EPB41: variants seen among roughly 807,000 people sequenced by gnomAD.
EPB41 encodes the protein protein 4.1.
Under a neutral mutation model 108.0 loss-of-function variants are expected in EPB41, and 65 were observed. The observed-to-expected ratio is 0.60, with a 90% CI of 0.49 to 0.74. EPB41 has a LOEUF of 0.74. Among genes scored for constraint, EPB41 ranks in the 30% least tolerant of loss-of-function variants. The pLI is 0.00. For synonymous variants in EPB41, 336 were observed against 358.9 expected (o/e 0.94, Z 0.72); for missense variants, 875 against 1,037.0 (o/e 0.84, Z 2.15).
At chr1:28,926,770 A>T (rs2093470425) in intron 1 of EPB41, among the ~76,000 whole-genome samples, 1 of 152,226 alleles carries the variant, frequency 6.6e-6, no homozygotes, top group Non-Finnish European at 1.5e-5. Flanking sequence ...GATGGGAGAG[A>T]ATAATCTTGC....
intron 16 of EPB41, among the ~76,000 whole-genome samples, chr1:29,085,481 G>A (rs1196384503): frequency 1.3e-5 from 2 of 151,736 alleles, no homozygotes; most frequent in African/African-American, 2.4e-5. Flanking sequence ...TGATAATATC[G>A]CTTCTACCTC....
chr1:29,021,486 A>G (rs1014246717), intron 7 of EPB41, among the ~76,000 whole-genome samples: 3 of 152,208 alleles, frequency 2.0e-5, no homozygotes, highest in Non-Finnish European at 4.4e-5. Flanking sequence ...GATGGGAAGT[A>G]CACACAAAGC....
chr1:29,004,696 G>A (rs2486198), intron 4 of EPB41, among the ~76,000 whole-genome samples: 1 of 152,042 alleles, frequency 6.6e-6, no homozygotes, highest in African/African-American at 2.4e-5. Context: ...TTTAAATGTG[G>A]TTTTTTGGGG....
intron 1 of EPB41, among the ~76,000 whole-genome samples, chr1:28,931,395 G>GA (rs1367582127): frequency 2.1e-4 from 30 of 145,088 alleles, no homozygotes; most frequent in Admixed American, 4.1e-4. Context: ...AAAAAAGGCT[G>GA]AAAAATAGCA....
chr1:28,965,670 C>T (rs1461798046), intron 1 of EPB41, among the ~76,000 whole-genome samples: 1 of 152,010 alleles, frequency 6.6e-6, no homozygotes, highest in Non-Finnish European at 1.5e-5. Context: ...GACTCAGATT[C>T]CTGGGAGCTG....
intron 5 of EPB41, among the ~76,000 whole-genome samples, chr1:29,013,565 T>C (rs1464072489): frequency 2.0e-5 from 3 of 152,166 alleles, no homozygotes; most frequent in Non-Finnish European, 4.4e-5. Context: ...TCGCTCTTGT[T>C]GTCCAGGCTG....
At position 29,051,088 on chromosome 1, in the gene EPB41, G is replaced by GT. The variant is rs71586885; in HGVS notation, c.1637-1987dup. ...AGCATTTCTTTCTTTTTCTTTTTCT[G>GT]TTTTTTTTTTTTTTTTTTTTTTTTT... On this transcript the variant is annotated intron_variant, in intron 11 of 20. Coordinates refer to ENST00000343067, the MANE Select transcript of EPB41 (RefSeq NM_001376013.1). 3.5e-3 allele frequency among the ~76,000 whole-genome samples: 182 copies of GT among 51,584 alleles called. 28 individuals carry two copies. The highest frequency in any genetic ancestry group is 4.8e-3 in the Non-Finnish European group (148 of 30,950). 33.8% of individuals were successfully genotyped at this position (51,584 alleles called of 152,430 possible). A position where few individuals can be genotyped will look rare whatever the true frequency, so the allele number is the denominator to read the frequency against.
At chr1:29,074,468 T>C (rs556277802) in intron 16 of EPB41, among the ~76,000 whole-genome samples, 6 of 152,326 alleles carry the variant, frequency 3.9e-5, no homozygotes, top group African/African-American at 1.4e-4. Context: ...CTTTAGTGGA[T>C]AGTATTAATA....
chr1:28,977,371 T>C (rs1280863436), intron 1 of EPB41, among the ~76,000 whole-genome samples: 1 of 150,702 alleles, frequency 6.6e-6, no homozygotes, highest in Non-Finnish European at 1.5e-5. Context: ...ATTCAGTCTT[T>C]TCAGTCTGTT....
Position 29,051,961 on chromosome 1 carries a change from A to G in EPB41, c.1637-1143A>G, listed in dbSNP as rs191618869. Among the ~76,000 whole-genome samples, 16 of 152,226 alleles carry G rather than the reference A, an allele frequency of 1.1e-4. No homozygotes were observed. In the East Asian group the frequency reaches 2.5e-3, roughly 24 times the overall value. ...AATATGTTATCAGAAATACTAAATC[A>G]TGCACAAAAACACTTTCATTCCTAG... On this transcript the variant is annotated intron_variant, in intron 11 of 20. Coordinates refer to ENST00000343067, the MANE Select transcript of EPB41 (RefSeq NM_001376013.1).
intron 1 of EPB41, among the ~76,000 whole-genome samples, chr1:28,943,052 T>C (rs937670725): frequency 6.6e-6 from 1 of 152,186 alleles, no homozygotes; most frequent in Non-Finnish European, 1.5e-5. Flanking sequence ...TTTTAAATTA[T>C]AATAGGAATA....
intron 11 of EPB41, among the ~76,000 whole-genome samples, chr1:29,052,477 A>C (rs145630639): frequency 1.3e-5 from 2 of 152,358 alleles, no homozygotes; most frequent in East Asian, 3.9e-4. Flanking sequence ...CTGACAGTCA[A>C]AGATTTTGAA....
chr1:29,112,519 G>A, intron 19 of EPB41, 71 bp downstream of exon 19: 1 of 1,274,718 alleles, frequency 7.8e-7, no homozygotes, highest in Non-Finnish European at 1.1e-6. Flanking sequence ...ACAGGAGTTT[G>A]TTTGCCATCT....
At chr1:28,997,114 T>C in intron 3 of EPB41, 101 bp from the exon 4 acceptor site, 1 of 867,806 alleles carries the variant, frequency 1.2e-6, no homozygotes. Context: ...ATCAGGCCAC[T>C]GTACTCCAGC....
intron 16 of EPB41, among the ~76,000 whole-genome samples, chr1:29,067,350 G>T (rs1442432745): frequency 6.6e-6 from 1 of 151,970 alleles, no homozygotes; most frequent in Non-Finnish European, 1.5e-5. Flanking sequence ...CAAAAAATTA[G>T]CCAGGTGTGG....
chr1:28,917,079 C>G (rs2092727417), intron 1 of EPB41, among the ~76,000 whole-genome samples: 1 of 152,040 alleles, frequency 6.6e-6, no homozygotes, highest in Non-Finnish European at 1.5e-5. Context: ...ATGTGAGCCA[C>G]CTCACCCGGC....
chr1:28,913,267 G>A (rs994156834), upstream of EPB41, among the ~76,000 whole-genome samples: 13 of 151,958 alleles, frequency 8.6e-5, no homozygotes, highest in Non-Finnish European at 7.4e-5. Flanking sequence ...GTGAAACCCC[G>A]TCTCTACTAA....
intron 4 of EPB41, among the ~76,000 whole-genome samples, chr1:29,000,625 C>T (rs905236662): frequency 5.3e-4 from 81 of 152,118 alleles, no homozygotes; most frequent in African/African-American, 1.9e-3. Flanking sequence ...TTTATAAGAG[C>T]CCCTACTGGG....
chr1:28,977,394 CTTT>C (rs58214592), intron 1 of EPB41, among the ~76,000 whole-genome samples: 2,627 of 135,826 alleles, frequency 0.019, 66 homozygotes, highest in African/African-American at 0.059. Flanking sequence ...GTATGTTTTT[CTTT>C]TTTTTTTTTT....
Sources: allele counts gnomAD v4.1 joint callset (sites outside exome capture counted in the v4.1 genomes callset), GRCh38; gene constraint gnomAD v4.1.1; transcripts MANE v1.5; gene names NCBI Gene and HGNC (gene_info 2026-07-23, HGNC 2026-07-21).